Variants in NAV2 observed in about 807,000 individuals in gnomAD.
NAV2 encodes helicase, APC down-regulated 1.
A neutral mutation model predicts 223.2 loss-of-function variants in NAV2; 54 were observed. The ratio of observed to expected loss-of-function variants is 0.24; its 90% CI spans 0.19 to 0.30. The LOEUF is 0.30. NAV2 is among the 10% of genes least tolerant of loss of function. The pLI, the probability that NAV2 is intolerant of heterozygous loss-of-function variation, is 1.00. For missense variants in NAV2, 2,806 were observed against 3,147.5 expected (o/e 0.89, Z 2.60); for synonymous variants, 1,279 against 1,239.3 (o/e 1.03, Z -0.67).
upstream of NAV2, chr11:19,350,657 C>T: frequency 2.3e-6 from 1 of 430,210 alleles, no homozygotes; most frequent in South Asian, 2.6e-5. Context: ...CTTGTCTTTG[C>T]CCAGATTTGT....
chr11:19,985,548 A>AC (rs2050708735), intron 11 of NAV2, among the ~76,000 whole-genome samples: 2 of 43,258 alleles, frequency 4.6e-5, no homozygotes, highest in Non-Finnish European at 1.2e-4. Context: ...TGAGAAAAAA[A>AC]AGTTTTTTTT....
intron 6 of NAV2, among the ~76,000 whole-genome samples, chr11:19,924,001 A>C (rs1040189964): frequency 3.9e-5 from 6 of 152,218 alleles, no homozygotes; most frequent in Non-Finnish European, 8.8e-5. Flanking sequence ...ACACCAGCAA[A>C]TGATCCGTCT....
chr11:20,071,757 C>G (rs1161080673), intron 22 of NAV2, among the ~76,000 whole-genome samples: 2 of 152,096 alleles, frequency 1.3e-5, no homozygotes, highest in Non-Finnish European at 2.9e-5. Flanking sequence ...CTGTTCATAT[C>G]CTTCACCCAC....
chr11:19,897,886 T>TTTTA (rs144642336), intron 6 of NAV2, among the ~76,000 whole-genome samples: 12 of 120,684 alleles, frequency 9.9e-5, no homozygotes, highest in Non-Finnish European at 1.7e-4. Flanking sequence ...GACCTGTGAT[T>TTTTA]TATATATATA....
chr11:20,110,577 G>T (rs1353151097), intron 36 of NAV2, among the ~76,000 whole-genome samples: 1 of 152,146 alleles, frequency 6.6e-6, no homozygotes, highest in African/African-American at 2.4e-5. Flanking sequence ...TGGTGCCCAG[G>T]ACTAGCTGGC....
intron 1 of NAV2, among the ~76,000 whole-genome samples, chr11:19,397,990 G>T (rs1343404770): frequency 1.3e-5 from 2 of 152,214 alleles, no homozygotes; most frequent in African/African-American, 4.8e-5. Flanking sequence ...GATGCCAAGA[G>T]GGATGGCCTT....
chr11:20,075,189 G>A (rs1033413999), intron 22 of NAV2, among the ~76,000 whole-genome samples: 2 of 150,862 alleles, frequency 1.3e-5, no homozygotes, highest in Non-Finnish European at 2.9e-5. Flanking sequence ...AAATGCAGAG[G>A]CACTGTCTCC....
chr11:19,791,363 C>A (rs958118140), intron 1 of NAV2, among the ~76,000 whole-genome samples: 3 of 152,144 alleles, frequency 2.0e-5, no homozygotes, highest in Non-Finnish European at 4.4e-5. Context: ...TTGTACTGCA[C>A]CCACCAATCT....
At chr11:19,385,103 T>C (rs993457685) in intron 1 of NAV2, 1 of 152,192 alleles carries the variant, frequency 6.6e-6, no homozygotes, top group African/African-American at 2.4e-5. Context: ...TGATAATAGG[T>C]AAAATGCAAT....
chr11:19,988,889 C>T (rs2051051484), intron 11 of NAV2, among the ~76,000 whole-genome samples: 1 of 152,198 alleles, frequency 6.6e-6, no homozygotes, highest in African/African-American at 2.4e-5. Flanking sequence ...CCAAGCAGTG[C>T]ATTCATGGAT....
At chr11:20,046,368 C>A (rs1224276050) in intron 14 of NAV2, among the ~76,000 whole-genome samples, 1 of 151,916 alleles carries the variant, frequency 6.6e-6, no homozygotes, top group East Asian at 1.9e-4. Flanking sequence ...AGCTACCATC[C>A]AATCCAGAAT....
At chr11:19,526,391 T>A (rs1322394873) in intron 1 of NAV2, among the ~76,000 whole-genome samples, 1 of 152,138 alleles carries the variant, frequency 6.6e-6, no homozygotes, top group East Asian at 1.9e-4. Flanking sequence ...TCCTGTGTGC[T>A]AATTCCAACT....
chr11:19,347,422 C>G (rs1000147914), upstream of NAV2, among the ~76,000 whole-genome samples: 3 of 152,202 alleles, frequency 2.0e-5, no homozygotes, highest in East Asian at 5.8e-4. Flanking sequence ...CCCACCCAAC[C>G]TCCCACCCCC....
intron 3 of NAV2, among the ~76,000 whole-genome samples, chr11:19,848,917 G>T (rs141787002): frequency 2.0e-4 from 31 of 152,222 alleles, no homozygotes; most frequent in Non-Finnish European, 3.4e-4. Flanking sequence ...GGTCAGTCTC[G>T]CTCAGTCCCA....
intron 1 of NAV2, among the ~76,000 whole-genome samples, chr11:19,569,303 G>A (rs2045358168): frequency 2.0e-5 from 3 of 152,128 alleles, no homozygotes; most frequent in Admixed American, 6.5e-5. Context: ...GCAGGGCTCA[G>A]CTCAAATGCA....
chr11:19,558,602 G>A (rs555400701), intron 1 of NAV2, among the ~76,000 whole-genome samples: 24 of 152,348 alleles, frequency 1.6e-4, no homozygotes, highest in African/African-American at 5.3e-4. Flanking sequence ...AATGGCAGCA[G>A]GCTAGGCAGA....
At chr11:19,997,397 C>G (rs1186488140) in intron 11 of NAV2, among the ~76,000 whole-genome samples, 1 of 152,102 alleles carries the variant, frequency 6.6e-6, no homozygotes, top group Non-Finnish European at 1.5e-5. Flanking sequence ...TCTGGGTACA[C>G]CAGAAACAGA....
At chr11:19,362,854 T>A (rs2729902) in intron 1 of NAV2, among the ~76,000 whole-genome samples, 145,592 of 152,310 alleles carry the variant, frequency 0.96, 69,910 homozygotes, top group East Asian at 1. Context: ...CTAAGTACTA[T>A]GTCAGTATTA....
chr11:19,419,160 A>G (rs1850506869), intron 1 of NAV2, among the ~76,000 whole-genome samples: 1 of 152,128 alleles, frequency 6.6e-6, no homozygotes, highest in Non-Finnish European at 1.5e-5. Context: ...CCTTTCTTTC[A>G]TGGCCCCTGC....
Sources: gnomAD v4.1 joint callset for allele counts (sites outside exome capture counted in the v4.1 genomes callset) on GRCh38, gnomAD v4.1.1 for gene constraint, MANE v1.5 for transcripts, NCBI Gene and HGNC (gene_info 2026-07-23, HGNC 2026-07-21) for gene names.